The following EVC2 variants were observed in gnomAD, a reference collection of about 807,000 sequenced individuals.
EVC2 encodes the protein EvC ciliary complex subunit 2.
A neutral mutation model predicts 149.3 loss-of-function variants in EVC2; 148 were observed. That is an observed-to-expected ratio of 0.99 (90% CI 0.87 to 1.14). The LOEUF (loss-of-function observed/expected upper bound fraction) is 1.14. Among genes scored for constraint, EVC2 ranks in the 50% most tolerant of loss-of-function variants. The probability of loss-of-function intolerance (pLI) is 0.00; values close to 1 mark genes in which losing one functional copy is unlikely to be tolerated. For missense variants in EVC2, 1,854 were observed against 1,627.3 expected, an observed-to-expected ratio of 1.14 and a Z score of -2.40; for synonymous variants, 776 against 649.9, an observed-to-expected ratio of 1.19 and a Z score of -2.95.
intron 21 of EVC2, among the ~76,000 whole-genome samples, 168 bp downstream of exon 21, chr4:5,565,090 A>G (rs1326452888): frequency 6.6e-6 from 1 of 152,210 alleles, no homozygotes; most frequent in Non-Finnish European, 1.5e-5. Flanking sequence ...GCTCATCTTC[A>G]GCTTCTAAAC....
chr4:5,611,856 G>A (rs1030163505), intron 16 of EVC2, among the ~76,000 whole-genome samples: 1 of 152,184 alleles, frequency 6.6e-6, no homozygotes, highest in Non-Finnish European at 1.5e-5. Flanking sequence ...GTGACAGGCA[G>A]CTGTAACCTA....
Position 5,665,518 on chromosome 4 carries a change from A to T in EVC2, c.1002T>A (p.His334Gln). 1 of 1,614,092 alleles carries T rather than the reference A, an allele frequency of 6.2e-7. No homozygotes were observed. Among genetic ancestry groups the T allele is most frequent in the Non-Finnish European group, 8.5e-7 (1 of 1,180,018 alleles). The change falls in exon 8 of 22, where the codon CAT becomes CAA. Residue 334 changes from histidine to glutamine, a missense_variant. By Grantham distance (24) the His-to-Gln change is conservative (BLOSUM62 0). Transcript: ENST00000344408. Reference protein sequence around the residue: ...QCLKGNMLTRHRVWQYESKLE... With the variant: ...QCLKGNMLTRQRVWQYESKLE... ...ACCACCCTCAGGGAAGACTCACCCG[A>T]TGTCTGGTGAGCATGTTTCCCTTCA... is the stretch of plus-strand genomic sequence containing the variant.
At chr4:5,564,741 G>A (rs1282709314) in intron 21 of EVC2, among the ~76,000 whole-genome samples, 2 of 152,200 alleles carry the variant, frequency 1.3e-5, no homozygotes, top group Non-Finnish European at 2.9e-5. Context: ...GTCTGTAGGT[G>A]TGTGATAGCC....
At chr4:5,604,942 T>G (rs1308491461) in intron 16 of EVC2, among the ~76,000 whole-genome samples, 1 of 151,924 alleles carries the variant, frequency 6.6e-6, no homozygotes, top group East Asian at 1.9e-4. Flanking sequence ...AGACCAATCC[T>G]TCCTCTTACT....
chr4:5,700,875 C>T (rs560528228), intron 1 of EVC2, among the ~76,000 whole-genome samples: 72 of 152,262 alleles, frequency 4.7e-4, no homozygotes, highest in African/African-American at 1.2e-3. Context: ...TCATCGCACA[C>T]ACTTACCAGC....
At chr4:5,626,467 G>A (rs1716124152) in intron 12 of EVC2, among the ~76,000 whole-genome samples, 1 of 151,662 alleles carries the variant, frequency 6.6e-6, no homozygotes, top group African/African-American at 2.4e-5. Context: ...CGGAGTAGTT[G>A]GGATTACAGG....
chr4:5,649,491 C>T (rs746243596), intron 9 of EVC2, among the ~76,000 whole-genome samples: 1 of 152,188 alleles, frequency 6.6e-6, no homozygotes, highest in Non-Finnish European at 1.5e-5. Flanking sequence ...GAGAAGATGA[C>T]ATTAATTCTT....
intron 9 of EVC2, among the ~76,000 whole-genome samples, chr4:5,652,311 A>G (rs1243057880): frequency 6.6e-6 from 1 of 151,976 alleles, no homozygotes; most frequent in Non-Finnish European, 1.5e-5. Context: ...AACACAATTC[A>G]GCCGGTTGTT....
intron 1 of EVC2, among the ~76,000 whole-genome samples, chr4:5,699,548 T>A (rs1224070229): frequency 6.8e-6 from 1 of 146,404 alleles, no homozygotes; most frequent in East Asian, 2.0e-4. Flanking sequence ...CAAATGTCCA[T>A]CAATGGATGA....
Position 5,590,443 on chromosome 4 carries a change from C to T in EVC2, c.2830-5593G>A, listed in dbSNP as rs576775460. On this transcript the variant is annotated intron_variant, in intron 16 of 21. Coordinates refer to ENST00000344408, the MANE Select transcript of EVC2 (RefSeq NM_147127.5). ...CCATAATGGGATGGGAGGTTAGACA[C>T]ACCTTGCTACACTCCCTCCCTCACT... is the stretch of plus-strand genomic sequence containing the variant. Among the ~76,000 whole-genome samples the T allele has an allele frequency of 3.2e-4, 48 of 151,906 alleles. 1 individual carries two copies. The highest frequency in any genetic ancestry group is 3.1e-3 in the Admixed American group (47 of 15,282).
Position 5,614,834 on chromosome 4 carries a change from A to G in EVC2, c.2829+588T>C, listed in dbSNP as rs35998152. ...GTCTACTAAAAATACAAAAATTAGCAGGTGTGATGGTGGGTGCCTGTAATC... is the reference window on the plus strand; with the variant it reads ...GTCTACTAAAAATACAAAAATTAGCGGGTGTGATGGTGGGTGCCTGTAATC... On this transcript the variant is annotated intron_variant, in intron 16 of 21. Coordinates refer to ENST00000344408, the MANE Select transcript of EVC2 (RefSeq NM_147127.5). This position sits in a 1 kb window ranked among gnomAD's most constrained non-coding sequence, Gnocchi z 4.7. Among the ~76,000 whole-genome samples, 55,444 of 151,500 alleles carry G rather than the reference A, an allele frequency of 0.37. 11,241 individuals carry two copies. Among genetic ancestry groups the G allele is most frequent in the East Asian group, 0.6 (3,065 of 5,096 alleles).
intron 9 of EVC2, among the ~76,000 whole-genome samples, chr4:5,648,318 T>C (rs927410030): frequency 6.6e-6 from 1 of 152,190 alleles, no homozygotes; most frequent in African/African-American, 2.4e-5. Flanking sequence ...AAGATTCATA[T>C]TGTGGTAATT....
chr4:5,698,090 T>A (rs907689017), intron 1 of EVC2, among the ~76,000 whole-genome samples: 8 of 152,096 alleles, frequency 5.3e-5, no homozygotes, highest in Non-Finnish European at 1.2e-4. Flanking sequence ...AAGTAAACTT[T>A]TCTAAGTCGG....
At chr4:5,568,297 T>C (rs1722422840) in intron 20 of EVC2, 147 bp downstream of exon 20, 1 of 867,814 alleles carries the variant, frequency 1.2e-6, no homozygotes, top group Admixed American at 3.0e-5. Context: ...GTGAACTTAT[T>C]TTCTTAAGAT....
At position 5,576,615 on chromosome 4, in the gene EVC2, G is replaced by C. The variant is rs748008164; in HGVS notation, c.3058-161C>G. Reference sequence around the variant, plus strand: ...ACATGGTGCAATGTGAGTGCACCACGATCTCTCACCCCTGTGTCACCTCCA... The same window carrying C: ...ACATGGTGCAATGTGAGTGCACCACCATCTCTCACCCCTGTGTCACCTCCA... On this transcript the variant is annotated intron_variant, in intron 17 of 21. Transcript: ENST00000344408. This position sits in a 1 kb window ranked among gnomAD's most constrained non-coding sequence, Gnocchi z 4.5. Among the ~76,000 whole-genome samples, 1 of 152,120 alleles carries C rather than the reference G, an allele frequency of 6.6e-6. No homozygotes were observed. The highest frequency in any genetic ancestry group is 1.5e-5 in the Non-Finnish European group (1 of 68,014).
At chr4:5,610,550 T>C (rs1392832900) in intron 16 of EVC2, among the ~76,000 whole-genome samples, 1 of 152,142 alleles carries the variant, frequency 6.6e-6, no homozygotes, top group African/African-American at 2.4e-5. Context: ...GCATGTGGGC[T>C]GGGAGGTAGG....
At chr4:5,562,038 A>G (rs1721984163), downstream of EVC2, among the ~76,000 whole-genome samples, 1 of 152,180 alleles carries the variant, frequency 6.6e-6, no homozygotes, top group South Asian at 2.1e-4. The surrounding 1 kb of genome is among the most constrained non-coding windows in gnomAD (Gnocchi z 4.3). Context: ...GGGAAGGGTC[A>G]GCATTTACAC....
At position 5,625,831 on chromosome 4, in the gene EVC2, TTCTGCTTGATTGAAA is replaced by T. The variant is rs1431987950; in HGVS notation, c.1949_1963del (p.Phe650_Lys655delinsTer). ...TTCCTGCTTTAAGTCATTGTCCAAC[TTCTGCTTGATTGAAA>T]AGACTTCTGTCTGAGCCCGCTCCAA... On this transcript the variant is annotated stop_gained and inframe_deletion, in exon 13 of 22. Coordinates refer to ENST00000344408, the MANE Select transcript of EVC2 (RefSeq NM_147127.5). LOFTEE classifies it high-confidence loss of function. This position sits in a 1 kb window ranked among gnomAD's most constrained non-coding sequence, Gnocchi z 4.0. The T allele has an allele frequency of 1.2e-5, 19 of 1,614,150 alleles. No individual in the cohort carries two copies. The highest frequency in any genetic ancestry group is 1.5e-5 in the Non-Finnish European group (18 of 1,180,028).
chr4:5,538,110 G>A (rs377693095), downstream of EVC2, among the ~76,000 whole-genome samples: 1 of 150,696 alleles, frequency 6.6e-6, no homozygotes, highest in East Asian at 1.9e-4. Context: ...CAGGGAGGGA[G>A]GGAGGAGGAC....
Sources: allele counts gnomAD v4.1 joint callset (sites outside exome capture counted in the v4.1 genomes callset), GRCh38; gene constraint gnomAD v4.1.1; non-coding constraint Gnocchi (gnomAD v3.1); transcripts MANE v1.5; gene names NCBI Gene and HGNC (gene_info 2026-07-23, HGNC 2026-07-21).